DNAJC13: variants seen among roughly 807,000 people sequenced by gnomAD.
DNAJC13 encodes DnaJ heat shock protein family (Hsp40) member C13.
Under a neutral mutation model 290.5 loss-of-function variants are expected in DNAJC13, and 75 were observed. The observed-to-expected ratio is 0.26, with a 90% CI of 0.21 to 0.31. The LOEUF (loss-of-function observed/expected upper bound fraction) is 0.31, where lower values mean the gene tolerates loss of function less well. Ranked by LOEUF, DNAJC13 falls within the 10% of genes least tolerant of loss-of-function variation. The probability of loss-of-function intolerance (pLI) is 1.00; values close to 1 mark genes in which losing one functional copy is unlikely to be tolerated. For missense variants in DNAJC13, 2,260 were observed against 2,674.5 expected (o/e 0.85, Z 3.42); for synonymous variants, 862 against 892.0 (o/e 0.97, Z 0.60).
At chr3:132,521,521 G>T (rs1326235336) in intron 48 of DNAJC13, among the ~76,000 whole-genome samples, 1 of 152,210 alleles carries the variant, frequency 6.6e-6, no homozygotes, top group Non-Finnish European at 1.5e-5. Context: ...TAGCTCCACA[G>T]TGAAAAAATT....
At chr3:132,470,690 A>C (rs1367734590) in intron 20 of DNAJC13, among the ~76,000 whole-genome samples, 13 of 104,822 alleles carry the variant, frequency 1.2e-4, no homozygotes, top group African/African-American at 5.0e-4. Flanking sequence ...TCCCTCCCGG[A>C]CGGGGCGGCT....
chr3:132,429,743 C>G (rs2107645001), intron 1 of DNAJC13, among the ~76,000 whole-genome samples: 1 of 152,236 alleles, frequency 6.6e-6, no homozygotes, highest in East Asian at 1.9e-4. Context: ...CTGGGGTTGA[C>G]TTGGCTAGTT....
chr3:132,440,432 A>C (rs780451522), intron 2 of DNAJC13, among the ~76,000 whole-genome samples: 1 of 152,282 alleles, frequency 6.6e-6, no homozygotes, highest in Non-Finnish European at 1.5e-5. Flanking sequence ...CATAAGTGCC[A>C]AGTACTTTAC....
At chr3:132,497,998 G>A (rs1432022082) in intron 36 of DNAJC13, among the ~76,000 whole-genome samples, 1 of 152,068 alleles carries the variant, frequency 6.6e-6, no homozygotes, top group Admixed American at 6.5e-5. Context: ...TGGAATTATA[G>A]AGATACTTTT....
intron 43 of DNAJC13, among the ~76,000 whole-genome samples, chr3:132,509,369 T>A (rs138535463): frequency 1.1e-4 from 17 of 152,356 alleles, no homozygotes; most frequent in Non-Finnish European, 1.6e-4. Flanking sequence ...ACTCAATTGC[T>A]GCAATCTCAT....
chr3:132,477,640 T>G, intron 22 of DNAJC13, 149 bp from the exon 23 acceptor site: 2 of 581,582 alleles, frequency 3.4e-6, no homozygotes, highest in Non-Finnish European at 5.9e-6. Context: ...ATTCTCAGCA[T>G]TTAGCTAAAA....
intron 37 of DNAJC13, 55 bp from the exon 38 acceptor site, chr3:132,499,679 C>A: frequency 6.9e-7 from 1 of 1,451,922 alleles, no homozygotes. Flanking sequence ...CTAGAAAAGG[C>A]CTTTCAGACT....
Position 132,460,364 on chromosome 3 carries a change from T to C in DNAJC13, c.1557+7T>C. 6.4e-7 allele frequency: 1 copy of C among 1,572,566 alleles called. No individual in the cohort carries two copies. The highest frequency in any genetic ancestry group is 8.7e-7 in the Non-Finnish European group (1 of 1,143,750). ...GAAATTTAATTCCCATGTGGTAAGT[T>C]ATAATTAAATTTGTCTTCATGGTAG... On this transcript the variant is annotated splice_region_variant and intron_variant, in intron 14 of 55. Transcript: ENST00000260818.
chr3:132,516,880 T>A lies in DNAJC13; in HGVS notation c.5673+64T>A, dbSNP rs913114549. 17 of 1,303,258 alleles carry A rather than the reference T, an allele frequency of 1.3e-5. No individual in the cohort carries two copies. In the Admixed American group the frequency reaches 2.4e-4, roughly 18 times the overall value. 80.7% of individuals were successfully genotyped at this position (1,303,258 alleles called of 1,614,324 possible). ...TAAAGCATTGTTACTTTGATACTGA[T>A]TTCAAGAAGTTTACTGAAATCTGAG... On this transcript the variant is annotated intron_variant, in intron 48 of 55. Coordinates refer to ENST00000260818, the MANE Select transcript of DNAJC13 (RefSeq NM_015268.4).
Position 132,453,309 on chromosome 3 carries a change from G to C in DNAJC13, c.549G>C (p.Ala183=). Residue 183 remains alanine (A), a synonymous_variant, in exon 7 of 56, where the codon GCG becomes GCC. Transcript: ENST00000260818. The stretch of plus-strand genomic sequence containing the variant: ...CTAAATTTGTGCAGCATTTATTTGC[G>C]TCAGAGCAAAGAGAAGAGATTATTA... The part of the protein sequence containing the change: ...YGGFSRLHLF[A]SEQREEIIKS... 6.2e-7 allele frequency: 1 copy of C among 1,612,918 alleles called. No individual in the cohort carries two copies. Among genetic ancestry groups the C allele is most frequent in the Non-Finnish European group, 8.5e-7 (1 of 1,179,578 alleles).
chr3:132,469,161 G>A (rs897390380), intron 20 of DNAJC13, among the ~76,000 whole-genome samples: 51 of 152,168 alleles, frequency 3.4e-4, no homozygotes, highest in African/African-American at 1.1e-3. Context: ...CCCTTTCTGC[G>A]TGGGTACTAT....
intron 38 of DNAJC13, 59 bp downstream of exon 38, chr3:132,499,867 A>C: frequency 6.8e-7 from 1 of 1,473,328 alleles, no homozygotes; most frequent in South Asian, 1.2e-5. Context: ...TCAGACTTTA[A>C]CATATCTGAG....
At chr3:132,512,941 C>T (rs751274708) in intron 44 of DNAJC13, 67 bp from the exon 45 acceptor site, 379 of 1,293,110 alleles carry the variant, frequency 2.9e-4, no homozygotes, top group Non-Finnish European at 3.9e-4. Context: ...CAGTGTATAT[C>T]GGTTTTCTGA....
At chr3:132,460,395 A>G (rs373726546) in intron 14 of DNAJC13, 38 bp downstream of exon 14, 37 of 1,384,670 alleles carry the variant, frequency 2.7e-5, no homozygotes, top group Non-Finnish European at 3.5e-5. Flanking sequence ...GGTAGATACC[A>G]TACCATTATT....
chr3:132,519,325 G>A (rs973134157), intron 48 of DNAJC13, among the ~76,000 whole-genome samples: 2 of 152,162 alleles, frequency 1.3e-5, no homozygotes, highest in Admixed American at 1.3e-4. Context: ...TAGGTATGAT[G>A]TGTTACATCA....
At chr3:132,525,067 G>A (rs922251612) in intron 51 of DNAJC13, among the ~76,000 whole-genome samples, 12 of 152,170 alleles carry the variant, frequency 7.9e-5, no homozygotes, top group Middle Eastern at 3.2e-3. Context: ...GAGGCTGGGC[G>A]CGGTGGCTCA....
At chr3:132,429,413 G>T (rs1939186473) in intron 1 of DNAJC13, among the ~76,000 whole-genome samples, 1 of 152,102 alleles carries the variant, frequency 6.6e-6, no homozygotes, top group Non-Finnish European at 1.5e-5. Flanking sequence ...CTTACCAGCT[G>T]TGTTACCTTA....
chr3:132,526,237 A>G lies in DNAJC13; in HGVS notation c.6337A>G (p.Ile2113Val), dbSNP rs746888915. 1 of 1,614,062 alleles carries G rather than the reference A, an allele frequency of 6.2e-7. No homozygotes were observed. The highest frequency in any genetic ancestry group is 8.5e-7 in the Non-Finnish European group (1 of 1,179,976). ...ADTVGLACEA[I>V]NRMFQKEQSE... The stretch of plus-strand genomic sequence containing the variant: ...TACTGTTGGTCTAGCCTGTGAAGCA[A>G]TTAATCGAATGTTTCAGAAGGAGCA... Residue 2113 changes from isoleucine (I) to valine (V), a missense_variant, in exon 53 of 56, where the codon ATT becomes GTT. Ile to Val is a conservative substitution (Grantham distance 29, BLOSUM62 3). Coordinates refer to ENST00000260818, the MANE Select transcript of DNAJC13 (RefSeq NM_015268.4).
intron 13 of DNAJC13, among the ~76,000 whole-genome samples, chr3:132,459,929 A>G (rs1180720475): frequency 6.6e-6 from 1 of 152,180 alleles, no homozygotes; most frequent in Non-Finnish European, 1.5e-5. Flanking sequence ...TTTAAATGCT[A>G]AGTTTTATTT....
Sources: allele counts gnomAD v4.1 joint callset (sites outside exome capture counted in the v4.1 genomes callset), GRCh38; gene constraint gnomAD v4.1.1; transcripts MANE v1.5; gene names NCBI Gene and HGNC (gene_info 2026-07-23, HGNC 2026-07-21).